EPG5: variants seen among roughly 807,000 people sequenced by gnomAD.
The protein encoded by EPG5 is ectopic P-granules 5 autophagy tethering factor, also known as ectopic P granules protein 5 homolog.
EPG5 carries 159 observed loss-of-function variants against 302.7 expected under a neutral mutation model. That is an observed-to-expected ratio of 0.53 (90% CI 0.46 to 0.60). The LOEUF is 0.60. EPG5 is among the 20% of genes least tolerant of loss of function. The pLI is 0.00. For missense variants in EPG5, 2,896 were observed against 3,092.4 expected, an observed-to-expected ratio of 0.94 and a Z score of 1.51; for synonymous variants, 1,158 against 1,136.8, an observed-to-expected ratio of 1.02 and a Z score of -0.37.
chr18:45,959,474 G>A (rs982956946), intron 1 of EPG5, among the ~76,000 whole-genome samples: 15 of 151,470 alleles, frequency 9.9e-5, no homozygotes, highest in Non-Finnish European at 1.3e-4. Flanking sequence ...GTGAAACCCC[G>A]TCTCTACTAA....
intron 16 of EPG5, among the ~76,000 whole-genome samples, chr18:45,920,799 T>A (rs1053781908): frequency 6.6e-5 from 10 of 152,262 alleles, no homozygotes; most frequent in Non-Finnish European, 1.5e-4. Context: ...AACATGAGGT[T>A]TAGGGGGACA....
intron 1 of EPG5, among the ~76,000 whole-genome samples, chr18:45,958,823 C>T (rs1317285376): frequency 2.6e-5 from 4 of 152,174 alleles, no homozygotes; most frequent in Admixed American, 1.3e-4. Flanking sequence ...AAATTAAAAA[C>T]TTTGGTGCTG....
intron 29 of EPG5, among the ~76,000 whole-genome samples, chr18:45,886,665 A>T (rs940546589): frequency 3.3e-5 from 5 of 150,350 alleles, no homozygotes; most frequent in Non-Finnish European, 5.9e-5. Flanking sequence ...GCATACATTA[A>T]TTTTTTTTTT....
chr18:45,943,036 T>C (rs2050704866), intron 9 of EPG5, 125 bp downstream of exon 9: 6 of 918,866 alleles, frequency 6.5e-6, no homozygotes, highest in Non-Finnish European at 9.6e-6. Flanking sequence ...AAGAAAAAAA[T>C]CTTAACTATT....
At chr18:45,921,334 G>C (rs1037631239) in intron 16 of EPG5, among the ~76,000 whole-genome samples, 1 of 152,066 alleles carries the variant, frequency 6.6e-6, no homozygotes, top group African/African-American at 2.4e-5. Flanking sequence ...TAAAACATAA[G>C]AATCAGAAAG....
Position 45,874,059 on chromosome 18 carries a change from C to T in EPG5, c.6049+2177G>A, listed in dbSNP as rs9967003. Among the ~76,000 whole-genome samples the T allele has an allele frequency of 3.4e-3, 523 of 152,306 alleles. 2 individuals carry two copies. Among genetic ancestry groups the T allele is most frequent in the African/African-American group, 0.012 (496 of 41,578 alleles). On this transcript the variant is annotated intron_variant, in intron 35 of 43. Transcript: ENST00000282041. Reference sequence around the variant, plus strand: ...GAGGATTTTTAAGGCAGTGAAACTGCTCTGTATGATACCACAATGGTGGGC... The same window carrying T: ...GAGGATTTTTAAGGCAGTGAAACTGTTCTGTATGATACCACAATGGTGGGC...
chr18:45,965,880 C>A (rs899085049), intron 1 of EPG5, among the ~76,000 whole-genome samples: 1 of 151,162 alleles, frequency 6.6e-6, no homozygotes, highest in Non-Finnish European at 1.5e-5. Context: ...AAGGAGAAAC[C>A]CCGTCTCTAC....
At chr18:45,926,008 G>T in intron 13 of EPG5, 106 bp from the exon 14 acceptor site, 1 of 699,486 alleles carries the variant, frequency 1.4e-6, no homozygotes, top group Non-Finnish European at 2.0e-6. Context: ...TCTCCAAAAG[G>T]AACTGGAGTT....
At chr18:45,868,257 T>C in intron 36 of EPG5, 1 of 447,928 alleles carries the variant, frequency 2.2e-6, no homozygotes. Flanking sequence ...CAGGTAATGC[T>C]GATGCTGCTG....
rs779296458 is a variant in EPG5 at position 45,867,596 on chromosome 18, T to C, written c.6378A>G (p.Leu2126=). Residue 2126 remains leucine (L), a synonymous_variant, in exon 37 of 44, where the codon TTA becomes TTG. Coordinates refer to ENST00000282041, the MANE Select transcript of EPG5 (RefSeq NM_020964.3). ...CTACCAGTTGAACTTCCTTTGCCAA[T>C]AAAATCATCATGAAAAGGAGGCAGA... is the stretch of plus-strand genomic sequence containing the variant. ...MIVCLLFMMI[L]LAKEVQLVDQ... is the part of the protein sequence containing the mutation. 6.2e-7 allele frequency: 1 copy of C among 1,614,024 alleles called. No individual in the cohort carries two copies. The highest frequency in any genetic ancestry group is 8.5e-7 in the Non-Finnish European group (1 of 1,179,988).
chr18:45,899,855 G>A (rs562058424), intron 26 of EPG5, among the ~76,000 whole-genome samples: 1 of 152,238 alleles, frequency 6.6e-6, no homozygotes, highest in African/African-American at 2.4e-5. Flanking sequence ...GACCCTACAA[G>A]AACAACTGAG....
intron 24 of EPG5, among the ~76,000 whole-genome samples, chr18:45,904,983 A>G (rs1376644162): frequency 1.3e-5 from 2 of 152,172 alleles, no homozygotes; most frequent in African/African-American, 2.4e-5. Flanking sequence ...GAGGGGGAGA[A>G]GAGCATGCCC....
Position 45,912,368 on chromosome 18 carries a change from G to A in EPG5, c.3905C>T (p.Pro1302Leu). The A allele has an allele frequency of 6.2e-7, 1 of 1,611,662 alleles. No homozygotes were observed. The highest frequency in any genetic ancestry group is 8.5e-7 in the Non-Finnish European group (1 of 1,179,138). ...GAGTGGCAGGAGGGGGTGATCAGAA[G>A]GTGTGACCAGAGCCTGGTGGGCCCA... ...YRWAHQALVTPSDHPLLPLIW... is the reference protein window; with the variant it reads ...YRWAHQALVTLSDHPLLPLIW... Residue 1302 changes from proline to leucine, a missense_variant, in exon 22 of 44, where the codon CCT becomes CTT. By Grantham distance (98) the Pro-to-Leu change is moderately conservative (BLOSUM62 -3). Coordinates refer to ENST00000282041, the MANE Select transcript of EPG5 (RefSeq NM_020964.3).
At chr18:45,894,392 G>A (rs903637243) in intron 27 of EPG5, among the ~76,000 whole-genome samples, 18 of 152,048 alleles carry the variant, frequency 1.2e-4, no homozygotes, top group Middle Eastern at 3.4e-3. Context: ...CCCAGGAGGC[G>A]GAGGATGCAG....
At chr18:45,812,935 A>G in the EPG5 span, among the ~76,000 whole-genome samples, 1 of 152,240 alleles carries the variant, frequency 6.6e-6, no homozygotes, top group Admixed American at 6.5e-5. Flanking sequence ...TGATTAAACT[A>G]AAGAGCTTCT....
intron 7 of EPG5, among the ~76,000 whole-genome samples, chr18:45,946,353 T>C (rs1208475051): frequency 1.3e-5 from 2 of 152,208 alleles, no homozygotes; most frequent in East Asian, 3.8e-4. Context: ...AATATGACTT[T>C]AATTTCCAGG....
At chr18:45,820,896 C>A in the EPG5 span, among the ~76,000 whole-genome samples, 3 of 152,174 alleles carry the variant, frequency 2.0e-5, no homozygotes, top group Admixed American at 2.0e-4. Context: ...GGGAAAGACT[C>A]ATTACCAAGT....
At chr18:45,853,344 G>A (rs1215663937) in intron 43 of EPG5, among the ~76,000 whole-genome samples, 1 of 152,238 alleles carries the variant, frequency 6.6e-6, no homozygotes, top group Non-Finnish European at 1.5e-5. Flanking sequence ...TCAGAGGAAG[G>A]AAAGAAAAGC....
At chr18:45,865,385 T>G (rs2048722750) in intron 39 of EPG5, among the ~76,000 whole-genome samples, 1 of 152,162 alleles carries the variant, frequency 6.6e-6, no homozygotes, top group Non-Finnish European at 1.5e-5. Flanking sequence ...TCCTAATCAT[T>G]AGATCCCATT....
Sources: allele counts gnomAD v4.1 joint callset (sites outside exome capture counted in the v4.1 genomes callset), GRCh38; gene constraint gnomAD v4.1.1; transcripts MANE v1.5; gene names NCBI Gene and HGNC (gene_info 2026-07-23, HGNC 2026-07-21).